Variants in POLG2 observed in about 807,000 individuals in gnomAD.
POLG2 encodes the protein DNA polymerase gamma 2, accessory subunit.
POLG2 carries 50 observed loss-of-function variants against 56.5 expected under a neutral mutation model. The observed-to-expected ratio is 0.88, with a 90% CI of 0.71 to 1.12. The LOEUF is 1.12. Among genes scored for constraint, POLG2 ranks in the 50% most tolerant of loss-of-function variants. The pLI, the probability that POLG2 is intolerant of heterozygous loss-of-function variation, is 0.00. For synonymous variants in POLG2, 226 were observed against 222.6 expected (o/e 1.02, Z -0.14); for missense variants, 584 against 583.3 (o/e 1.00, Z -0.01).
intron 3 of POLG2, among the ~76,000 whole-genome samples, chr17:64,492,453 A>G (rs2038077268): frequency 6.6e-6 from 1 of 152,260 alleles, no homozygotes; most frequent in African/African-American, 2.4e-5. Flanking sequence ...AGAAAGGCTA[A>G]TTAACAAACA....
chr17:64,482,801 T>G (rs1405368945), intron 6 of POLG2, 118 bp downstream of exon 6: 1 of 679,028 alleles, frequency 1.5e-6, no homozygotes, highest in Non-Finnish European at 2.7e-6. Context: ...TTTGGATTTT[T>G]GGATTAGAGA....
Position 64,496,583 on chromosome 17 carries a change from TC to T in POLG2, c.385del (p.Asp129ThrfsTer19), listed in dbSNP as rs1334975553. The T allele has an allele frequency of 6.2e-7, 1 of 1,612,530 alleles. No individual in the cohort carries two copies. Among genetic ancestry groups the T allele is most frequent in the African/African-American group, 1.3e-5 (1 of 74,654 alleles). On this transcript the variant is annotated frameshift_variant, in exon 1 of 8. Coordinates refer to ENST00000539111, the MANE Select transcript of POLG2 (RefSeq NM_007215.4). LOFTEE classifies it high-confidence loss of function. ...AGGGCCTGGTTTGTGGTGGAGGGCG[TC>T]CACCGGGAATACCTGCTCCCTGAAC... ...VVFREQVFPV[D>X]ALHHKPGPLL...
At chr17:64,480,468 A>G in intron 6 of POLG2, 79 bp from the exon 7 acceptor site, 1 of 677,332 alleles carries the variant, frequency 1.5e-6, no homozygotes, top group Non-Finnish European at 2.7e-6. Context: ...GTGAAGCCAC[A>G]AATCACCCTC....
intron 4 of POLG2, among the ~76,000 whole-genome samples, chr17:64,486,707 CAA>C (rs1484895934): frequency 6.6e-6 from 1 of 151,980 alleles, no homozygotes; most frequent in Non-Finnish European, 1.5e-5. Context: ...GCTGATTATT[CAA>C]AAGAGGCCTT....
At chr17:64,485,421 C>T (rs1555667244) in intron 5 of POLG2, 1 of 365,792 alleles carries the variant, frequency 2.7e-6, no homozygotes, top group African/African-American at 2.1e-5. Context: ...ACCAATGCTT[C>T]AGCTTCTGAT....
In POLG2 at chr17:64,485,770, C is replaced by G; in HGVS notation, c.1068G>C (p.Leu356=). The change falls in exon 5 of 8, where the codon CTG becomes CTC. Residue 356 remains leucine (L), a synonymous_variant. Coordinates refer to ENST00000539111, the MANE Select transcript of POLG2 (RefSeq NM_007215.4). ...TCTTTCTTGTAAAGGAGTTCTCTGT[C>G]AGCTGGAAAGAATCATAGAGGTAGG... ...MLAYLYDSFQ[L]TENSFTRKKN... is the part of the protein sequence containing the mutation. 6.2e-7 allele frequency: 1 copy of G among 1,613,214 alleles called. No individual in the cohort carries two copies. Among genetic ancestry groups the G allele is most frequent in the Non-Finnish European group, 8.5e-7 (1 of 1,179,136 alleles).
chr17:64,480,371 T>G lies in POLG2; in HGVS notation c.1210A>C (p.Asn404His), dbSNP rs1555666267. The G allele has an allele frequency of 6.4e-7, 1 of 1,573,096 alleles. No individual in the cohort carries two copies. Reference protein sequence around the residue: ...ELRQVCQGLFNELLENGISVW... With the variant: ...ELRQVCQGLFHELLENGISVW... ...GAAATCCCATTTTCTAGTAACTCAT[T>G]AAATAGCCCTTGACAAACCTAGAAA... The change falls in exon 7 of 8, where the codon AAT becomes CAT. Residue 404 changes from asparagine to histidine, a missense_variant. By Grantham distance (68) the Asn-to-His change is moderately conservative. Coordinates refer to ENST00000539111, the MANE Select transcript of POLG2 (RefSeq NM_007215.4).
chr17:64,494,751 T>C (rs537655502), intron 1 of POLG2, among the ~76,000 whole-genome samples: 1 of 152,310 alleles, frequency 6.6e-6, no homozygotes, highest in South Asian at 2.1e-4. Flanking sequence ...GACCTTTTTA[T>C]ATGACCCATT....
chr17:64,481,336 G>A (rs1598120120), intron 6 of POLG2: 1 of 985,100 alleles, frequency 1.0e-6, no homozygotes, highest in Non-Finnish European at 1.2e-6. Flanking sequence ...CAAAAGCCAG[G>A]GTCAGAAAGC....
At chr17:64,478,340 A>G (rs1485366737) in intron 7 of POLG2, among the ~76,000 whole-genome samples, 1 of 152,202 alleles carries the variant, frequency 6.6e-6, no homozygotes, top group East Asian at 1.9e-4. Flanking sequence ...TTTAGACTGA[A>G]GTCTCTTACA....
chr17:64,486,361 CT>C (rs56703110), intron 4 of POLG2, among the ~76,000 whole-genome samples: 194 of 140,928 alleles, frequency 1.4e-3, no homozygotes, highest in Middle Eastern at 3.6e-3. Context: ...AAAGGTAACA[CT>C]TTTTTTTTTT....
intron 6 of POLG2, among the ~76,000 whole-genome samples, chr17:64,482,435 C>A (rs2037877836): frequency 6.6e-6 from 1 of 151,820 alleles, no homozygotes; most frequent in Non-Finnish European, 1.5e-5. Flanking sequence ...GATTCTCCTG[C>A]CTTAGCCTCC....
chr17:64,487,332 G>A (rs1284493898), intron 4 of POLG2: 2 of 152,200 alleles, frequency 1.3e-5, no homozygotes, highest in South Asian at 2.1e-4. Context: ...AGATAAACTG[G>A]GCTGGGAGCA....
chr17:64,485,667 TA>T, intron 5 of POLG2, 60 bp downstream of exon 5: 1 of 1,311,840 alleles, frequency 7.6e-7, no homozygotes, highest in Non-Finnish European at 1.1e-6. Flanking sequence ...ACACTAACAT[TA>T]AGAACAAACA....
At chr17:64,491,490 A>G (rs2038057366) in intron 3 of POLG2, 2 of 1,380,382 alleles carry the variant, frequency 1.4e-6, no homozygotes, top group Non-Finnish European at 2.0e-6. Context: ...AGCCCGGGCA[A>G]AAGAGTGAGA....
At chr17:64,478,566 T>C (rs2037804898) in intron 7 of POLG2, among the ~76,000 whole-genome samples, 1 of 152,190 alleles carries the variant, frequency 6.6e-6, no homozygotes, top group African/African-American at 2.4e-5. Context: ...TCTCTGTTTA[T>C]TTATTGTCTA....
At chr17:64,489,779 C>T (rs991457571) in intron 4 of POLG2, among the ~76,000 whole-genome samples, 1 of 150,576 alleles carries the variant, frequency 6.6e-6, no homozygotes, top group Admixed American at 6.6e-5. Context: ...AAAAAAATCA[C>T]CATTTGGCAA....
At chr17:64,494,837 C>G (rs1277350156) in intron 1 of POLG2, among the ~76,000 whole-genome samples, 1 of 152,140 alleles carries the variant, frequency 6.6e-6, no homozygotes, top group East Asian at 1.9e-4. Context: ...TAACCCCAGA[C>G]CCGGAATCAG....
At position 64,481,284 on chromosome 17, in the gene POLG2, C is replaced by T. The variant is rs59867610; in HGVS notation, c.1192-895G>A. 8.1e-3 allele frequency: 8,016 copies of T among 985,298 alleles called. 517 individuals are homozygous for T. The African/African-American group carries it at 0.13, about 16-fold the overall frequency. The allele number at this position is 985,298 out of a possible 1,614,324, so 61.0% of individuals were successfully genotyped here. On this transcript the variant is annotated intron_variant, in intron 6 of 7. Coordinates refer to ENST00000539111, the MANE Select transcript of POLG2 (RefSeq NM_007215.4). Reference sequence around the variant, plus strand: ...GTGGGACATACGCCATTATCTTCTCCTTCTTTGAGCTCACTATCTCCCATC... The same window carrying T: ...GTGGGACATACGCCATTATCTTCTCTTTCTTTGAGCTCACTATCTCCCATC...
Sources: gnomAD v4.1 joint callset for allele counts (sites outside exome capture counted in the v4.1 genomes callset) on GRCh38, gnomAD v4.1.1 for gene constraint, MANE v1.5 for transcripts, NCBI Gene and HGNC (gene_info 2026-07-23, HGNC 2026-07-21) for gene names.